The following BBOX1 variants were observed in gnomAD, a reference collection of about 807,000 sequenced individuals.
The protein encoded by BBOX1 is gamma-butyrobetaine hydroxylase 1, also known as gamma-butyrobetaine dioxygenase.
In BBOX1, 35 loss-of-function variants were observed where a neutral mutation model predicts 41.6. The observed-to-expected ratio is 0.84, with a 90% CI of 0.64 to 1.11. The LOEUF (loss-of-function observed/expected upper bound fraction) is 1.11, where lower values mean the gene tolerates loss of function less well. BBOX1 is among the 50% of genes most tolerant of loss of function. BBOX1 has a pLI of 0.00. For synonymous variants in BBOX1, 163 were observed against 154.7 expected, an observed-to-expected ratio of 1.05 and a Z score of -0.40; for missense variants, 458 against 460.6, an observed-to-expected ratio of 0.99 and a Z score of 0.05.
intron 2 of BBOX1, among the ~76,000 whole-genome samples, chr11:27,054,234 T>TGTGTGTGTGCGC (rs1491475061): frequency 3.4e-5 from 5 of 148,302 alleles, no homozygotes; most frequent in South Asian, 2.1e-4. Context: ...TGTGTGTGTG[T>TGTGTGTGTGCGC]GCGTGCACAT....
chr11:27,110,033 C>A (rs964188186), intron 5 of BBOX1, among the ~76,000 whole-genome samples: 1 of 151,976 alleles, frequency 6.6e-6, no homozygotes, highest in East Asian at 1.9e-4. Flanking sequence ...GGACCTCCCC[C>A]ACCTGGTTTC....
chr11:27,087,377 C>T (rs1356036017), intron 4 of BBOX1, among the ~76,000 whole-genome samples: 1 of 152,088 alleles, frequency 6.6e-6, no homozygotes, highest in Non-Finnish European at 1.5e-5. Flanking sequence ...TGAGGCAAGA[C>T]CCTCCACCAG....
intron 5 of BBOX1, among the ~76,000 whole-genome samples, chr11:27,097,658 C>G (rs986063809): frequency 2.0e-5 from 3 of 151,840 alleles, no homozygotes; most frequent in Admixed American, 2.0e-4. Context: ...GAAAAGTAAC[C>G]CCGGACTTTT....
intron 7 of BBOX1, among the ~76,000 whole-genome samples, chr11:27,120,718 G>A (rs1360776421): frequency 6.6e-6 from 1 of 151,874 alleles, no homozygotes; most frequent in Non-Finnish European, 1.5e-5. Context: ...AATTTTGGTA[G>A]GGGGGTATAA....
At chr11:27,078,221 A>T (rs929554948) in intron 4 of BBOX1, among the ~76,000 whole-genome samples, 4 of 152,180 alleles carry the variant, frequency 2.6e-5, no homozygotes, top group Non-Finnish European at 5.9e-5. Flanking sequence ...AGCCACAAAT[A>T]TCAATAGGAA....
chr11:27,071,153 T>C (rs1857434439), intron 4 of BBOX1, among the ~76,000 whole-genome samples: 1 of 151,934 alleles, frequency 6.6e-6, no homozygotes, highest in Non-Finnish European at 1.5e-5. Context: ...GGAGGGCAGA[T>C]CACAAGGTCA....
intron 2 of BBOX1, among the ~76,000 whole-genome samples, chr11:27,054,742 C>T (rs1222007328): frequency 6.6e-6 from 1 of 152,092 alleles, no homozygotes; most frequent in Non-Finnish European, 1.5e-5. Flanking sequence ...AAAATCTCAA[C>T]AAACCAAGCA....
intron 5 of BBOX1, among the ~76,000 whole-genome samples, chr11:27,094,755 A>G (rs550242628): frequency 6.6e-6 from 1 of 152,064 alleles, no homozygotes; most frequent in African/African-American, 2.4e-5. Flanking sequence ...CATCTCTGCC[A>G]TGTTTAGACT....
intron 8 of BBOX1, 22 bp downstream of exon 8, chr11:27,125,842 A>C: frequency 6.3e-7 from 1 of 1,594,272 alleles, no homozygotes; most frequent in Non-Finnish European, 8.5e-7. Context: ...CATTTTCTCA[A>C]ATAACCAAAA....
intron 4 of BBOX1, among the ~76,000 whole-genome samples, chr11:27,080,572 T>G (rs1857800833): frequency 6.6e-6 from 1 of 152,090 alleles, no homozygotes; most frequent in South Asian, 2.1e-4. Flanking sequence ...CAGTTTACAT[T>G]TTGGTAGAGA....
chr11:27,126,296 A>T (rs763000688), intron 8 of BBOX1, among the ~76,000 whole-genome samples: 5 of 152,166 alleles, frequency 3.3e-5, no homozygotes, highest in Non-Finnish European at 5.9e-5. Context: ...TCCTTTGTAT[A>T]TATTTTTAAT....
chr11:27,125,603 T>A, intron 7 of BBOX1, 51 bp from the exon 8 acceptor site: 1 of 1,364,776 alleles, frequency 7.3e-7, no homozygotes, highest in Non-Finnish European at 9.8e-7. Context: ...CTTATCAATG[T>A]AAATAGATAT....
chr11:27,087,776 T>G (rs1858095531), intron 4 of BBOX1, among the ~76,000 whole-genome samples: 1 of 152,222 alleles, frequency 6.6e-6, no homozygotes, highest in South Asian at 2.1e-4. Flanking sequence ...CAGGTTCTAA[T>G]GGGCTATGGC....
chr11:27,118,792 T>C (rs1859354695), intron 6 of BBOX1, among the ~76,000 whole-genome samples: 1 of 152,044 alleles, frequency 6.6e-6, no homozygotes, highest in South Asian at 2.1e-4. Flanking sequence ...TAAAAAATGA[T>C]CTTTTTAAAA....
At chr11:27,118,128 T>C (rs1423072427) in intron 6 of BBOX1, among the ~76,000 whole-genome samples, 3 of 152,032 alleles carry the variant, frequency 2.0e-5, no homozygotes, top group East Asian at 1.9e-4. Flanking sequence ...TGTATCTCAA[T>C]ATTTACACGC....
chr11:27,114,245 A>C (rs969616274), intron 5 of BBOX1, among the ~76,000 whole-genome samples: 3 of 151,870 alleles, frequency 2.0e-5, no homozygotes, highest in Non-Finnish European at 4.4e-5. Context: ...TGCTGACAGA[A>C]GTTAAAGAAA....
intron 4 of BBOX1, among the ~76,000 whole-genome samples, chr11:27,084,554 G>T (rs1857966118): frequency 6.6e-6 from 1 of 152,080 alleles, no homozygotes. Flanking sequence ...CTTTGTTTTT[G>T]TCAGGGCCCC....
chr11:27,112,133 A>C (rs529915238), intron 5 of BBOX1, among the ~76,000 whole-genome samples: 1 of 151,948 alleles, frequency 6.6e-6, no homozygotes, highest in Admixed American at 6.6e-5. Flanking sequence ...GACTGTGGGA[A>C]ACTCTATAGG....
At chr11:27,107,082 T>C (rs1590217639) in intron 5 of BBOX1, among the ~76,000 whole-genome samples, 2 of 152,032 alleles carry the variant, frequency 1.3e-5, no homozygotes, top group South Asian at 4.2e-4. Flanking sequence ...GTGACACATT[T>C]AAAGCAGTGT....
Sources: gnomAD v4.1 joint callset for allele counts (sites outside exome capture counted in the v4.1 genomes callset) on GRCh38, gnomAD v4.1.1 for gene constraint, MANE v1.5 for transcripts, NCBI Gene and HGNC (gene_info 2026-07-23, HGNC 2026-07-21) for gene names.